Variants in PCDH15 observed in about 807,000 individuals in gnomAD.
PCDH15 encodes the protein protocadherin-15.
In PCDH15, 129 loss-of-function variants were observed where a neutral mutation model predicts 178.5. That is an observed-to-expected ratio of 0.72 (90% CI 0.63 to 0.84). The LOEUF (loss-of-function observed/expected upper bound fraction) is 0.84. Among genes scored for constraint, PCDH15 ranks in the 40% least tolerant of loss-of-function variants. The probability of loss-of-function intolerance (pLI) is 0.00; values close to 1 mark genes in which losing one functional copy is unlikely to be tolerated. For missense variants in PCDH15, 2,230 were observed against 2,099.9 expected (o/e 1.06, Z -1.21); for synonymous variants, 800 against 732.0 (o/e 1.09, Z -1.50).
intron 21 of PCDH15, among the ~76,000 whole-genome samples, chr10:53,993,216 A>T (rs1158428976): frequency 1.3e-5 from 2 of 152,236 alleles, no homozygotes; most frequent in Admixed American, 1.3e-4. Flanking sequence ...GGAGATATTA[A>T]GAATTTTTTC....
intron 3 of PCDH15, among the ~76,000 whole-genome samples, chr10:54,412,881 C>T (rs1468478217): frequency 6.6e-6 from 1 of 152,130 alleles, no homozygotes; most frequent in African/African-American, 2.4e-5. Context: ...GCCACCACGC[C>T]TGGCCATTAC....
intron 21 of PCDH15, among the ~76,000 whole-genome samples, chr10:53,993,895 A>ATT (rs2091682083): frequency 6.6e-6 from 1 of 152,210 alleles, no homozygotes; most frequent in Non-Finnish European, 1.5e-5. Context: ...TAGATTCAGT[A>ATT]TTTCAATGGA....
At chr10:55,451,990 G>A (rs1440391152) in intron 2 of PCDH15, among the ~76,000 whole-genome samples, 1 of 152,154 alleles carries the variant, frequency 6.6e-6, no homozygotes, top group Non-Finnish European at 1.5e-5. Flanking sequence ...TATACCAATT[G>A]TGAATAAATG....
chr10:54,753,278 G>C (rs897287523), intron 1 of PCDH15, among the ~76,000 whole-genome samples: 5 of 152,126 alleles, frequency 3.3e-5, no homozygotes, highest in Admixed American at 6.5e-5. Context: ...CTGCCTCCCA[G>C]GTTCAAGTGA....
chr10:55,208,976 T>C (rs1278480888), intron 1 of PCDH15, among the ~76,000 whole-genome samples: 1 of 152,022 alleles, frequency 6.6e-6, no homozygotes, highest in African/African-American at 2.4e-5. Context: ...ACTATGGAGA[T>C]GGGAAATAGT....
chr10:55,117,238 C>T (rs902944697), intron 2 of PCDH15, among the ~76,000 whole-genome samples: 1 of 152,144 alleles, frequency 6.6e-6, no homozygotes, highest in Non-Finnish European at 1.5e-5. Context: ...GAAATAAAGG[C>T]TGTTCTTTTT....
intron 8 of PCDH15, among the ~76,000 whole-genome samples, chr10:54,274,616 TTGTGTGTGTGTG>T (rs3069673): frequency 2.1e-4 from 30 of 144,746 alleles, no homozygotes; most frequent in African/African-American, 4.8e-4. Flanking sequence ...CTCAGTTTAA[TTGTGTGTGTGTG>T]TGTGTGTGTG....
chr10:54,349,919 A>T (rs2134233733), intron 5 of PCDH15, among the ~76,000 whole-genome samples: 1 of 152,272 alleles, frequency 6.6e-6, no homozygotes, highest in African/African-American at 2.4e-5. Context: ...CCCTAATCAT[A>T]TTTGTGTGGC....
intron 9 of PCDH15, among the ~76,000 whole-genome samples, chr10:54,220,864 ATAAATAAG>A (rs1305543506): frequency 6.9e-6 from 1 of 145,970 alleles, no homozygotes; most frequent in Non-Finnish European, 1.5e-5. Flanking sequence ...AAATAAATAA[ATAAATAAG>A]TAAAATAAAT....
intron 17 of PCDH15, among the ~76,000 whole-genome samples, chr10:54,072,855 T>A (rs888601349): frequency 6.6e-6 from 1 of 152,142 alleles, no homozygotes; most frequent in Non-Finnish European, 1.5e-5. Flanking sequence ...GGTAAATACA[T>A]GTTACATCTA....
intron 2 of PCDH15, among the ~76,000 whole-genome samples, chr10:55,331,565 G>A (rs1844198575): frequency 6.6e-6 from 1 of 151,970 alleles, no homozygotes; most frequent in South Asian, 2.1e-4. Flanking sequence ...GTGGTTGTAG[G>A]GGAGAGTCTA....
chr10:54,361,095 C>G (rs1966745), intron 5 of PCDH15, among the ~76,000 whole-genome samples: 152,227 of 152,228 alleles, frequency 1, 76,113 homozygotes, highest in Middle Eastern at 1. Context: ...TTGTCCCTTG[C>G]CATAGCCAGA....
intron 3 of PCDH15, among the ~76,000 whole-genome samples, chr10:54,438,983 GGCTACTTT>G (rs1408060724): frequency 6.6e-6 from 1 of 151,968 alleles, no homozygotes; most frequent in Non-Finnish European, 1.5e-5. Context: ...GAACTTGTCT[GGCTACTTT>G]TTATTAAATC....
rs2082018745 is a variant in PCDH15 at position 53,897,336 on chromosome 10, T to C, written c.3501+5907A>G. ...GTCAAGAAAAATAAATTGACTAATA[T>C]AAATCTTTACTTCTGAATTTGAACA... On this transcript the variant is annotated intron_variant, in intron 26 of 37. Coordinates refer to ENST00000644397, the MANE Select transcript of PCDH15 (RefSeq NM_001384140.1). 2.0e-5 allele frequency among the ~76,000 whole-genome samples: 3 copies of C among 152,348 alleles called. No homozygotes were observed. The East Asian group carries it at 5.8e-4, about 29-fold the overall frequency.
intron 1 of PCDH15, among the ~76,000 whole-genome samples, chr10:54,712,272 A>G (rs1232517726): frequency 1.3e-5 from 2 of 151,958 alleles, no homozygotes; most frequent in African/African-American, 4.8e-5. Context: ...GTTAGGCTAA[A>G]AGAAATAATC....
intron 2 of PCDH15, among the ~76,000 whole-genome samples, chr10:55,446,311 G>GTGTATATA (rs1554870282): frequency 6.7e-6 from 1 of 149,126 alleles, no homozygotes; most frequent in Non-Finnish European, 1.5e-5. Context: ...ATAGATATGT[G>GTGTATATA]TATATATATA....
At chr10:54,595,743 C>G (rs183185189) in intron 2 of PCDH15, among the ~76,000 whole-genome samples, 52 of 151,826 alleles carry the variant, frequency 3.4e-4, no homozygotes, top group Non-Finnish European at 6.0e-4. Context: ...ATAGCCAGTA[C>G]AGAAAAACAA....
intron 2 of PCDH15, among the ~76,000 whole-genome samples, chr10:55,449,746 T>A (rs1589038178): frequency 6.6e-6 from 1 of 152,266 alleles, no homozygotes; most frequent in Non-Finnish European, 1.5e-5. Flanking sequence ...AACATTTCAT[T>A]TGTCTTTCAG....
rs1336057533 is a variant in PCDH15 at position 54,346,431 on chromosome 10, A to G, written c.528T>C (p.Ala176=). The stretch of plus-strand genomic sequence containing the variant: ...CATTTGGTCCATCATCTATATCTGT[A>G]GCTCCATTGTCTCCTGAAAATCCTG... ...IFTGFSGDNG[A]TDIDDGPNGQ... is the part of the protein sequence containing the mutation. The change falls in exon 6 of 38, where the codon GCT becomes GCC. Residue 176 remains alanine, a synonymous_variant. Coordinates refer to ENST00000644397, the MANE Select transcript of PCDH15 (RefSeq NM_001384140.1). 6.2e-7 allele frequency: 1 copy of G among 1,613,726 alleles called. No individual in the cohort carries two copies. Among genetic ancestry groups the G allele is most frequent in the Non-Finnish European group, 8.5e-7 (1 of 1,179,688 alleles).
Sources: allele counts gnomAD v4.1 joint callset (sites outside exome capture counted in the v4.1 genomes callset), GRCh38; gene constraint gnomAD v4.1.1; transcripts MANE v1.5; gene names NCBI Gene and HGNC (gene_info 2026-07-23, HGNC 2026-07-21).